The following SORCS2 variants were observed in gnomAD, a reference collection of about 807,000 sequenced individuals.
SORCS2 encodes VPS10 domain-containing receptor SorCS2.
In SORCS2, 100 loss-of-function variants were observed where a neutral mutation model predicts 141.6. The ratio of observed to expected loss-of-function variants is 0.71; its 90% CI spans 0.60 to 0.83. SORCS2 has a LOEUF of 0.83. Ranked by LOEUF, SORCS2 falls within the 40% of genes least tolerant of loss-of-function variation. SORCS2 has a pLI of 0.00. For synonymous variants in SORCS2, 789 were observed against 676.9 expected (o/e 1.17, Z -2.57); for missense variants, 1,646 against 1,560.2 (o/e 1.05, Z -0.93).
rs1339230594 is a variant in SORCS2, at chr4:7,664,192, A to G, written c.953-161A>G. On this transcript the variant is annotated intron_variant, in intron 6 of 26. Coordinates refer to ENST00000507866, the MANE Select transcript of SORCS2 (RefSeq NM_020777.3). The surrounding 1 kb of genome is among the most constrained non-coding windows in gnomAD (Gnocchi z 4.7). ...AGGTGGCCCACAGTGAGCGAGGATGACACCCTCAGCCGCAGGTGTCATCAC... is the reference window on the plus strand; with the variant it reads ...AGGTGGCCCACAGTGAGCGAGGATGGCACCCTCAGCCGCAGGTGTCATCAC... Among the ~76,000 whole-genome samples, 1 of 152,084 alleles carries G rather than the reference A, an allele frequency of 6.6e-6. No individual in the cohort carries two copies. The highest frequency in any genetic ancestry group is 2.4e-5 in the African/African-American group (1 of 41,412).
intron 1 of SORCS2, among the ~76,000 whole-genome samples, chr4:7,309,063 C>T (rs115859706): frequency 0.022 from 3,334 of 152,280 alleles, 110 homozygotes; most frequent in African/African-American, 0.076. Flanking sequence ...CACACTGGAC[C>T]GTGGTGCCTG....
intron 1 of SORCS2, among the ~76,000 whole-genome samples, chr4:7,241,449 T>A (rs578254941): frequency 6.6e-6 from 1 of 152,178 alleles, no homozygotes; most frequent in Non-Finnish European, 1.5e-5. Context: ...TTTCCTCACC[T>A]GGACGTGGAA....
At chr4:7,632,985 C>T (rs968033653) in intron 3 of SORCS2, among the ~76,000 whole-genome samples, 2 of 152,178 alleles carry the variant, frequency 1.3e-5, no homozygotes, top group African/African-American at 4.8e-5. Context: ...AGGGGAAGGG[C>T]ATCCCATCAT....
At position 7,693,915 on chromosome 4, in the gene SORCS2, C is replaced by T. The variant is rs936327960; in HGVS notation, c.1592-3283C>T. On this transcript the variant is annotated intron_variant, in intron 11 of 26. Transcript: ENST00000507866. ...GGGTTGGGAGCTGAACTGAGCCCCA[C>T]CAGTTCTGTGGACACTCACCGGGCC... Among the ~76,000 whole-genome samples the T allele has an allele frequency of 2.0e-5, 3 of 152,320 alleles. No homozygotes were observed. The East Asian group carries it at 5.8e-4, about 29-fold the overall frequency.
intron 2 of SORCS2, among the ~76,000 whole-genome samples, chr4:7,475,367 C>T (rs1730228234): frequency 6.6e-6 from 1 of 152,134 alleles, no homozygotes; most frequent in Admixed American, 6.5e-5. Flanking sequence ...AGGGGGCGAG[C>T]AAGGAGGAAG....
At chr4:7,622,627 G>T (rs779639211) in intron 3 of SORCS2, among the ~76,000 whole-genome samples, 4 of 152,096 alleles carry the variant, frequency 2.6e-5, no homozygotes, top group Non-Finnish European at 2.9e-5. Flanking sequence ...GCCTGGCCGG[G>T]CTCTGTCATG....
intron 3 of SORCS2, among the ~76,000 whole-genome samples, chr4:7,590,666 A>G (rs1716858075): frequency 6.6e-6 from 1 of 152,236 alleles, no homozygotes; most frequent in Non-Finnish European, 1.5e-5. Flanking sequence ...ACAACGGCTA[A>G]TAGGGAATGG....
chr4:7,654,245 C>A lies in SORCS2; in HGVS notation c.887+38C>A, dbSNP rs375121098. On this transcript the variant is annotated intron_variant, in intron 5 of 26. Coordinates refer to ENST00000507866, the MANE Select transcript of SORCS2 (RefSeq NM_020777.3). ...CCCCACCCCAAACCCATGGGGCCCG[C>A]AGCTCTGGTGAGAGCACTTCCCCCA... 8 of 1,548,522 alleles carry A rather than the reference C, an allele frequency of 5.2e-6. No individual in the cohort carries two copies. In the Admixed American group the frequency reaches 7.7e-5, roughly 15 times the overall value.
intron 5 of SORCS2, among the ~76,000 whole-genome samples, 182 bp from the exon 6 acceptor site, chr4:7,661,318 G>A (rs570085153): frequency 2.6e-5 from 4 of 151,880 alleles, no homozygotes; most frequent in African/African-American, 7.2e-5. Flanking sequence ...CAAGGAAAAC[G>A]CAGAGACTCC....
chr4:7,724,587 G>T, intron 19 of SORCS2, among the ~76,000 whole-genome samples: 1 of 102,500 alleles, frequency 9.8e-6, no homozygotes, highest in Non-Finnish European at 2.0e-5. Flanking sequence ...TGATGGTGGT[G>T]GTGTTGGTGA....
chr4:7,584,829 C>G (rs930955224), intron 3 of SORCS2, among the ~76,000 whole-genome samples: 1 of 152,176 alleles, frequency 6.6e-6, no homozygotes, highest in African/African-American at 2.4e-5. Flanking sequence ...CTCCCATTAC[C>G]CAGTTGAACT....
intron 2 of SORCS2, among the ~76,000 whole-genome samples, chr4:7,441,656 CT>C (rs1215382501): frequency 2.0e-5 from 3 of 151,110 alleles, no homozygotes; most frequent in Admixed American, 6.6e-5. Context: ...ACCCCCTCCC[CT>C]AGCCCAGATC....
At chr4:7,327,916 C>A (rs1234111519) in intron 1 of SORCS2, among the ~76,000 whole-genome samples, 1 of 151,726 alleles carries the variant, frequency 6.6e-6, no homozygotes, top group African/African-American at 2.4e-5. Context: ...AGACCAAGGG[C>A]TCCTGAGGTT....
At chr4:7,322,435 T>C (rs1560191197) in intron 1 of SORCS2, among the ~76,000 whole-genome samples, 1 of 152,190 alleles carries the variant, frequency 6.6e-6, no homozygotes, top group African/African-American at 2.4e-5. Flanking sequence ...CCTCATGCAC[T>C]GGGGCCTAAG....
chr4:7,495,234 T>G (rs1440522680), intron 2 of SORCS2, among the ~76,000 whole-genome samples: 1 of 152,166 alleles, frequency 6.6e-6, no homozygotes, highest in Middle Eastern at 3.2e-3. Context: ...TGCCTCCCCT[T>G]GGAGCTGCAT....
intron 1 of SORCS2, among the ~76,000 whole-genome samples, chr4:7,209,866 G>A (rs1427190871): frequency 6.6e-6 from 1 of 152,214 alleles, no homozygotes; most frequent in African/African-American, 2.4e-5. Flanking sequence ...CATTTTGGGA[G>A]GTGTTCTTGG....
At chr4:7,441,269 A>G (rs1727645667) in intron 2 of SORCS2, among the ~76,000 whole-genome samples, 1 of 152,152 alleles carries the variant, frequency 6.6e-6, no homozygotes, top group Non-Finnish European at 1.5e-5. Flanking sequence ...CAAAAGCTGG[A>G]AAGAGCCGCA....
chr4:7,281,593 C>T (rs1173712795), intron 1 of SORCS2, among the ~76,000 whole-genome samples: 1 of 152,202 alleles, frequency 6.6e-6, no homozygotes, highest in Non-Finnish European at 1.5e-5. Flanking sequence ...ACCAGACTCA[C>T]TCATGTCATT....
intron 1 of SORCS2, among the ~76,000 whole-genome samples, chr4:7,376,443 G>T (rs1263779252): frequency 1.3e-5 from 2 of 152,280 alleles, no homozygotes; most frequent in East Asian, 1.9e-4. Flanking sequence ...CGGGTGTGGT[G>T]GTGGGCGCCT....
Sources: allele counts gnomAD v4.1 joint callset (sites outside exome capture counted in the v4.1 genomes callset), GRCh38; gene constraint gnomAD v4.1.1; non-coding constraint Gnocchi (gnomAD v3.1); transcripts MANE v1.5; gene names NCBI Gene and HGNC (gene_info 2026-07-23, HGNC 2026-07-21).